The following ESR2 variants were observed in gnomAD, a reference collection of about 807,000 sequenced individuals.
ESR2 encodes the protein estrogen receptor 2.
A neutral mutation model predicts 49.6 loss-of-function variants in ESR2; 36 were observed. The observed-to-expected ratio is 0.73, with a 90% CI of 0.56 to 0.96. The LOEUF (loss-of-function observed/expected upper bound fraction) is 0.96, where lower values mean the gene tolerates loss of function less well. ESR2 is among the 40% of genes least tolerant of loss of function. The pLI is 0.00. For missense variants in ESR2, 714 were observed against 693.0 expected, an observed-to-expected ratio of 1.03 and a Z score of -0.34; for synonymous variants, 320 against 266.1, an observed-to-expected ratio of 1.20 and a Z score of -1.97.
At chr14:64,283,115 C>A in intron 1 of ESR2, 40 bp from the exon 2 acceptor site, 1 of 799,356 alleles carries the variant, frequency 1.3e-6, no homozygotes, top group East Asian at 2.6e-5. Context: ...GTTAGAGCTA[C>A]AGCTGTTAAC....
chr14:64,317,810 CATAAAA>C (rs1240407902), intron 1 of ESR2, among the ~76,000 whole-genome samples: 5 of 152,062 alleles, frequency 3.3e-5, no homozygotes, highest in African/African-American at 1.2e-4. Flanking sequence ...CAACACCACT[CATAAAA>C]ATAAACTCAG....
At chr14:64,302,479 G>A (rs938864464) in intron 1 of ESR2, among the ~76,000 whole-genome samples, 4 of 151,932 alleles carry the variant, frequency 2.6e-5, no homozygotes, top group African/African-American at 4.8e-5. Flanking sequence ...GAGGCACCGC[G>A]CCCGGCCTCA....
At chr14:64,331,850 C>A (rs2077464469) in intron 1 of ESR2, among the ~76,000 whole-genome samples, 2 of 146,544 alleles carry the variant, frequency 1.4e-5, no homozygotes, top group Admixed American at 1.4e-4. Context: ...AAAAAGAATC[C>A]TTTGCACAGT....
chr14:64,273,676 T>C (rs1219858224), intron 3 of ESR2, among the ~76,000 whole-genome samples: 1 of 152,228 alleles, frequency 6.6e-6, no homozygotes, highest in African/African-American at 2.4e-5. Context: ...ATAATCTTTT[T>C]AACGTGTTGT....
chr14:64,282,554 T>C (rs2076696130), intron 2 of ESR2, 70 bp downstream of exon 2: 5 of 1,458,348 alleles, frequency 3.4e-6, no homozygotes, highest in Non-Finnish European at 4.6e-6. Flanking sequence ...TATTATTTCC[T>C]TCTCACTCAA....
chr14:64,293,544 A>G (rs902768062), intron 1 of ESR2, among the ~76,000 whole-genome samples: 3 of 152,236 alleles, frequency 2.0e-5, no homozygotes, highest in Non-Finnish European at 4.4e-5. Flanking sequence ...ACTCCTCTTC[A>G]GCAAATAAAG....
chr14:64,228,025 T>C, downstream of ESR2: 2 of 1,502,312 alleles, frequency 1.3e-6, no homozygotes, highest in Non-Finnish European at 1.8e-6. Context: ...GTGAGCTGCA[T>C]TTTACTTGTA....
intron 1 of ESR2, among the ~76,000 whole-genome samples, chr14:64,304,204 G>T (rs954600311): frequency 6.6e-6 from 1 of 152,178 alleles, no homozygotes; most frequent in Non-Finnish European, 1.5e-5. Flanking sequence ...CTACTCAGAG[G>T]GCTGAGGTGG....
chr14:64,266,920 C>T (rs1288818844), intron 4 of ESR2, among the ~76,000 whole-genome samples: 1 of 152,198 alleles, frequency 6.6e-6, no homozygotes, highest in Non-Finnish European at 1.5e-5. Flanking sequence ...CTCACTCTGT[C>T]ACCAGGCTGG....
intron 1 of ESR2, among the ~76,000 whole-genome samples, chr14:64,285,826 C>CA (rs10559131): frequency 0.014 from 1,384 of 100,618 alleles, 18 homozygotes; most frequent in Middle Eastern, 0.022. Context: ...GACTCTGTCT[C>CA]AAAAAAAAAA....
chr14:64,304,422 T>C (rs1269186901), intron 1 of ESR2, among the ~76,000 whole-genome samples: 1 of 152,236 alleles, frequency 6.6e-6, no homozygotes, highest in Non-Finnish European at 1.5e-5. Flanking sequence ...TCTTTGGTGC[T>C]GTTTGTTCTT....
intron 7 of ESR2, among the ~76,000 whole-genome samples, chr14:64,238,520 C>T (rs1327269316): frequency 6.6e-6 from 1 of 152,088 alleles, no homozygotes; most frequent in African/African-American, 2.4e-5. Flanking sequence ...GTGCCTGCAC[C>T]TCAGACATCC....
At chr14:64,315,327 T>G (rs1039191886) in intron 1 of ESR2, among the ~76,000 whole-genome samples, 2 of 150,820 alleles carry the variant, frequency 1.3e-5, no homozygotes, top group Non-Finnish European at 2.9e-5. Flanking sequence ...TACTACAGAC[T>G]ATACAGATGT....
intron 7 of ESR2, among the ~76,000 whole-genome samples, chr14:64,246,713 G>A (rs1159401620): frequency 1.8e-5 from 2 of 109,674 alleles, no homozygotes; most frequent in African/African-American, 7.9e-5. Flanking sequence ...CTCTAGCCTG[G>A]CCAACACAGG....
chr14:64,233,118 T>C lies in ESR2; in HGVS notation c.*19A>G, dbSNP rs2098728838. ...TCAGCCTGTGACCTCTGTGGGCCAG[T>C]TCACCTCAGGGCCAGGCGTCACTGA... On this transcript the variant is annotated 3_prime_UTR_variant, in exon 9 of 9. Coordinates refer to ENST00000341099, the MANE Select transcript of ESR2 (RefSeq NM_001437.3). 6.2e-7 allele frequency: 1 copy of C among 1,607,586 alleles called. No individual in the cohort carries two copies. Among genetic ancestry groups the C allele is most frequent in the Non-Finnish European group, 8.5e-7 (1 of 1,175,244 alleles).
intron 7 of ESR2, among the ~76,000 whole-genome samples, chr14:64,242,669 T>C (rs2075760458): frequency 1.3e-5 from 2 of 152,104 alleles, no homozygotes; most frequent in Non-Finnish European, 2.9e-5. Flanking sequence ...TGGTCTGTTG[T>C]CTTCTTTTCT....
At chr14:64,298,992 G>GAA (rs77353728), upstream of ESR2, among the ~76,000 whole-genome samples, 6 of 108,218 alleles carry the variant, frequency 5.5e-5, no homozygotes, top group Non-Finnish European at 1.0e-4. Flanking sequence ...ACCCAGTTAA[G>GAA]AAAAAAAAAA....
intron 1 of ESR2, among the ~76,000 whole-genome samples, chr14:64,314,606 G>C (rs566965417): frequency 6.6e-6 from 1 of 151,910 alleles, no homozygotes; most frequent in Non-Finnish European, 1.5e-5. Context: ...GGCTGGGCAC[G>C]GTGGCTCACA....
At chr14:64,249,463 T>C in intron 7 of ESR2, 83 bp downstream of exon 7, 1 of 1,456,098 alleles carries the variant, frequency 6.9e-7, no homozygotes, top group Non-Finnish European at 9.4e-7. Context: ...AAATAGAAGT[T>C]CAACATTCTT....
Sources: gnomAD v4.1 joint callset for allele counts (sites outside exome capture counted in the v4.1 genomes callset) on GRCh38, gnomAD v4.1.1 for gene constraint, MANE v1.5 for transcripts, NCBI Gene and HGNC (gene_info 2026-07-23, HGNC 2026-07-21) for gene names.